The following ATRX variants were observed in gnomAD, a reference collection of about 807,000 sequenced individuals.
ATRX encodes the protein chromatin remodeler ATRX.
Under a neutral mutation model 172.6 loss-of-function variants are expected in ATRX, and 12 were observed. That is an observed-to-expected ratio of 0.07 (90% CI 0.04 to 0.11). ATRX has a LOEUF of 0.11. Among genes scored for constraint, ATRX ranks in the 10% least tolerant of loss-of-function variants. The probability of loss-of-function intolerance (pLI) is 1.00; values close to 1 mark genes in which losing one functional copy is unlikely to be tolerated. For missense variants in ATRX, 1,368 were observed against 1,767.4 expected, an observed-to-expected ratio of 0.77 and a Z score of 4.05; for synonymous variants, 674 against 594.7, an observed-to-expected ratio of 1.13 and a Z score of -1.94.
chrX:77,673,109 G>C lies in ATRX; in HGVS notation c.3809+3117C>G, dbSNP rs782367307. On this transcript the variant is annotated intron_variant, in intron 10 of 34. Transcript: ENST00000373344. ...TTACTTGAGGCTCATTCCCAGTACAGATATTAAATTAAAATATATGATATT... is the reference window on the plus strand; with the variant it reads ...TTACTTGAGGCTCATTCCCAGTACACATATTAAATTAAAATATATGATATT... Among the ~76,000 whole-genome samples the C allele has an allele frequency of 3.6e-5, 4 of 110,837 alleles. 1 individual carries two copies. In the South Asian group the frequency reaches 1.5e-3, roughly 41 times the overall value.
At chrX:77,722,580 A>G (rs946674621) in intron 1 of ATRX, among the ~76,000 whole-genome samples, 6 of 111,985 alleles carry the variant, frequency 5.4e-5, no homozygotes, top group Admixed American at 9.5e-5. Flanking sequence ...GCCAACAAAC[A>G]TATGAAAAAA....
intron 15 of ATRX, among the ~76,000 whole-genome samples, chrX:77,641,782 A>C (rs1332080327): frequency 9.0e-6 from 1 of 111,326 alleles, no homozygotes; most frequent in African/African-American, 3.3e-5. Flanking sequence ...AAAACTATCC[A>C]AAATGAAACA....
At chrX:77,602,897 G>A (rs1557087962) in intron 22 of ATRX, among the ~76,000 whole-genome samples, 1 of 110,305 alleles carries the variant, frequency 9.1e-6, no homozygotes, top group African/African-American at 3.3e-5. Flanking sequence ...GCTTGCAGAA[G>A]GAAGGAAATA....
At chrX:77,616,308 G>T in intron 22 of ATRX, 1 of 900,884 alleles carries the variant, frequency 1.1e-6, no homozygotes, top group Non-Finnish European at 1.4e-6. Context: ...AAATACTCTG[G>T]AATTTTGTAT....
intron 30 of ATRX, among the ~76,000 whole-genome samples, chrX:77,525,851 T>C (rs1303435915): frequency 2.7e-5 from 3 of 112,560 alleles, no homozygotes; most frequent in Middle Eastern, 4.7e-3. Context: ...AAGTGTGGTA[T>C]TTATTTCTCA....
At chrX:77,746,946 G>A (rs1024329540) in intron 1 of ATRX, among the ~76,000 whole-genome samples, 9 of 110,175 alleles carry the variant, frequency 8.2e-5, no homozygotes, top group South Asian at 3.9e-4. Flanking sequence ...GACTACAGGC[G>A]CACACCACCA....
chrX:77,713,889 A>G (rs1269690670), intron 2 of ATRX, among the ~76,000 whole-genome samples: 8 of 111,777 alleles, frequency 7.2e-5, no homozygotes, highest in Admixed American at 3.8e-4. Flanking sequence ...TCACTCCCAT[A>G]ACTGTGTTAT....
intron 30 of ATRX, among the ~76,000 whole-genome samples, chrX:77,544,198 T>C (rs911668373): frequency 9.0e-6 from 1 of 111,320 alleles, no homozygotes; most frequent in Admixed American, 9.6e-5. Flanking sequence ...AATTGGTAAA[T>C]CTAGCGGATG....
chrX:77,659,482 TAC>T (rs72145948), intron 12 of ATRX, among the ~76,000 whole-genome samples: 33,288 of 88,132 alleles, frequency 0.38, 5,463 homozygotes, highest in Admixed American at 0.51. Context: ...TTTCTCTCTC[TAC>T]ACACACACAC....
chrX:77,767,557 G>C (rs1475262720), intron 1 of ATRX, among the ~76,000 whole-genome samples: 1 of 109,566 alleles, frequency 9.1e-6, no homozygotes, highest in African/African-American at 3.3e-5. Flanking sequence ...CATCATGCTC[G>C]GCAAAATTTT....
intron 1 of ATRX, among the ~76,000 whole-genome samples, chrX:77,742,003 G>T (rs1557182457): frequency 1.8e-5 from 2 of 111,402 alleles, no homozygotes; most frequent in Non-Finnish European, 1.9e-5. Flanking sequence ...ATTGTTCCAT[G>T]TACATATAGA....
chrX:77,717,350 G>C (rs1557165885), intron 1 of ATRX, 107 bp from the exon 2 acceptor site: 1 of 593,788 alleles, frequency 1.7e-6, no homozygotes, highest in Non-Finnish European at 2.8e-6. Context: ...AGTCGTGTAA[G>C]AGTATGCACA....
At chrX:77,744,994 T>TCAA (rs782050035) in intron 1 of ATRX, among the ~76,000 whole-genome samples, 47 of 106,274 alleles carry the variant, frequency 4.4e-4, no homozygotes, top group South Asian at 1.3e-3. Flanking sequence ...AGACTCTGCC[T>TCAA]CAACAACAAC....
chrX:77,641,676 T>C (rs1198749960), intron 15 of ATRX, among the ~76,000 whole-genome samples: 1 of 109,628 alleles, frequency 9.1e-6, no homozygotes, highest in Non-Finnish European at 1.9e-5. Flanking sequence ...ATGGAATTCC[T>C]AGTGATGAAA....
At chrX:77,555,689 C>A (rs1438460554) in intron 30 of ATRX, among the ~76,000 whole-genome samples, 2 of 109,764 alleles carry the variant, frequency 1.8e-5, no homozygotes, top group Admixed American at 1.9e-4. Context: ...GTTACATCAC[C>A]CACTGGGGCC....
Position 77,785,971 on chromosome X carries a change from T to C in ATRX, c.20+11A>G, listed in dbSNP as rs1603353938. On this transcript the variant is annotated intron_variant, in intron 1 of 34. Coordinates refer to ENST00000373344, the MANE Select transcript of ATRX (RefSeq NM_000489.6). ...GACCGCTGGGGCCCATGAGACGGGGTTGCGTTTTACCTCATGGGCTCAGCG... is the reference window on the plus strand; with the variant it reads ...GACCGCTGGGGCCCATGAGACGGGGCTGCGTTTTACCTCATGGGCTCAGCG... The C allele has an allele frequency of 1.7e-6, 2 of 1,190,898 alleles. No individual in the cohort carries two copies. The highest frequency in any genetic ancestry group is 2.3e-6 in the Non-Finnish European group (2 of 885,249).
At chrX:77,708,150 T>C (rs781832493) in intron 2 of ATRX, among the ~76,000 whole-genome samples, 1 of 112,400 alleles carries the variant, frequency 8.9e-6, no homozygotes. Flanking sequence ...AGCCGCATTA[T>C]TCCTAACAGC....
chrX:77,601,150 C>T (rs1390332309), intron 22 of ATRX, among the ~76,000 whole-genome samples: 1 of 111,133 alleles, frequency 9.0e-6, no homozygotes, highest in Non-Finnish European at 1.9e-5. Context: ...TACTGACTCT[C>T]GCCAACTATG....
chrX:77,725,865 T>G (rs1177360999), intron 1 of ATRX, among the ~76,000 whole-genome samples: 1 of 112,437 alleles, frequency 8.9e-6, no homozygotes, highest in Non-Finnish European at 1.9e-5. Flanking sequence ...CAAAGACACA[T>G]GTAAAAATGC....
Sources: allele counts gnomAD v4.1 joint callset (sites outside exome capture counted in the v4.1 genomes callset), GRCh38; gene constraint gnomAD v4.1.1; transcripts MANE v1.5; gene names NCBI Gene and HGNC (gene_info 2026-07-23, HGNC 2026-07-21).